The following POP5 variants were observed in gnomAD, a reference collection of about 807,000 sequenced individuals.
POP5 encodes the protein POP5 ribonuclease P/MRP subunit, also known as ribonuclease P/MRP protein subunit POP5.
Under a neutral mutation model 20.7 loss-of-function variants are expected in POP5, and 18 were observed. The ratio of observed to expected loss-of-function variants is 0.87; its 90% CI spans 0.60 to 1.29. The LOEUF is 1.29. Ranked by LOEUF, POP5 falls within the 50% of genes most tolerant of loss-of-function variation. The pLI is 0.00. For missense variants in POP5, 200 were observed against 203.2 expected, an observed-to-expected ratio of 0.98 and a Z score of 0.10; for synonymous variants, 91 against 78.0, an observed-to-expected ratio of 1.17 and a Z score of -0.88.
rs1449966046 is a variant in POP5 at position 120,579,251 on chromosome 12, G to T, written c.*67C>A. Reference sequence around the variant, plus strand: ...CTGTGGAAGATGCTGTTGCTACCCAGATTGTTCTGTTCAACAAGTGGGCCT... The same window carrying T: ...CTGTGGAAGATGCTGTTGCTACCCATATTGTTCTGTTCAACAAGTGGGCCT... On this transcript the variant is annotated 3_prime_UTR_variant, in exon 5 of 5. Coordinates refer to ENST00000357500, the MANE Select transcript of POP5 (RefSeq NM_015918.4). The T allele has an allele frequency of 2.9e-6, 4 of 1,391,650 alleles. No homozygotes were observed. The African/African-American group carries it at 4.3e-5, about 15-fold the overall frequency. 86.2% of individuals were successfully genotyped at this position (1,391,650 alleles called of 1,614,324 possible). A position where few individuals can be genotyped will look rare whatever the true frequency, so the allele number is the denominator to read the frequency against.
At position 120,581,260 on chromosome 12, in the gene POP5, G is replaced by A; in HGVS notation, c.21-3C>T. 1 of 1,614,224 alleles carries A rather than the reference G, an allele frequency of 6.2e-7. No individual in the cohort carries two copies. The highest frequency in any genetic ancestry group is 8.5e-7 in the Non-Finnish European group (1 of 1,180,048). On this transcript the variant is annotated splice_region_variant and splice_polypyrimidine_tract_variant and intron_variant, in intron 1 of 4. Transcript: ENST00000357500. ...ACACCAGTTCGCAGAGCAGGTACCT[G>A]CGGCAGGCGAGAGGAAGGTGGACAC...
chr12:120,580,780 A>T (rs928897909), intron 2 of POP5: 1 of 313,148 alleles, frequency 3.2e-6, no homozygotes, highest in Non-Finnish European at 5.9e-6. Context: ...TGTTAATGTA[A>T]TCGGTCATAT....
chr12:120,579,535 A>G lies in POP5; in HGVS notation c.376T>C (p.Leu126=). 6.2e-7 allele frequency: 1 copy of G among 1,614,188 alleles called. No individual in the cohort carries two copies. The part of the protein sequence containing the change: ...QYNRRQLLIL[L]QNCTDEGERE... ...TTACCTTCATCAGTGCAGTTCTGCA[A>G]CAAGATCAACAGCTGTCTCCTGTTG... Residue 126 remains leucine, a synonymous_variant, in exon 4 of 5, where the codon TTG becomes CTG. Transcript: ENST00000357500.
At chr12:120,580,211 C>A in intron 2 of POP5, 1 of 301,866 alleles carries the variant, frequency 3.3e-6, no homozygotes. Flanking sequence ...TGCTGCACTC[C>A]AGCAGCCTGG....
intron 2 of POP5, 56 bp downstream of exon 2, chr12:120,581,059 C>T (rs10774559): frequency 0.32 from 515,031 of 1,588,326 alleles, 86,732 homozygotes; most frequent in Admixed American, 0.42. Flanking sequence ...CGGCGCCTGC[C>T]CCCTCCACAT....
chr12:120,579,052 G>A lies in POP5; in HGVS notation c.*266C>T. 1 of 514,956 alleles carries A rather than the reference G, an allele frequency of 1.9e-6. No individual in the cohort carries two copies. The highest frequency in any genetic ancestry group is 3.5e-6 in the Non-Finnish European group (1 of 285,616). The allele number at this position is 514,956 out of a possible 1,614,324, so 31.9% of individuals were successfully genotyped here. A position where few individuals can be genotyped will look rare whatever the true frequency, so the allele number is the denominator to read the frequency against. On this transcript the variant is annotated 3_prime_UTR_variant, in exon 5 of 5. Coordinates refer to ENST00000357500, the MANE Select transcript of POP5 (RefSeq NM_015918.4). The stretch of plus-strand genomic sequence containing the variant: ...TAATATAAGTATGCTAAATGCCACG[G>A]AAACCAGATACATTTATTAAATCTA...
rs1340019869 is a variant in POP5 at position 120,579,399 on chromosome 12, A to AT, written c.410_411insA (p.Ile138TyrfsTer19). 1 of 1,613,962 alleles carries AT rather than the reference A, an allele frequency of 6.2e-7. No homozygotes were observed. Among genetic ancestry groups the AT allele is most frequent in the East Asian group, 2.2e-5 (1 of 44,884 alleles). Reference sequence around the variant, plus strand: ...AGCTTCTTGTCACAGACTTCTGGATAGCTTCCCGCTCTCCTGGAGAAGGCA... The same window carrying AT: ...AGCTTCTTGTCACAGACTTCTGGATATGCTTCCCGCTCTCCTGGAGAAGGCA... On this transcript the variant is annotated frameshift_variant, in exon 5 of 5. Transcript: ENST00000357500. LOFTEE classifies it high-confidence loss of function.
chr12:120,579,699 C>A (rs1877758315), intron 3 of POP5, 75 bp downstream of exon 3: 4 of 1,550,960 alleles, frequency 2.6e-6, no homozygotes, highest in Middle Eastern at 3.4e-4. Flanking sequence ...AGCAGCAAGA[C>A]CCACCCACCA....
rs1332805008 is a variant in POP5, at chr12:120,581,356, G to A, written c.7C>T (p.Arg3Trp). Residue 3 changes from arginine to tryptophan, a missense_variant, in exon 1 of 5, where the codon CGG (arginine) becomes TGG (tryptophan). Transcript: ENST00000357500. ...GGGAATGCTTACCTGTGCTTGAACC[G>A]CACCATGGCTGCCTCCGCGCTCTCC... MV[R>W]FKHRYLLCEL... 13 of 1,612,806 alleles carry A rather than the reference G, an allele frequency of 8.1e-6. No homozygotes were observed. The highest frequency in any genetic ancestry group is 1.1e-5 in the Non-Finnish European group (13 of 1,179,590).
At chr12:120,580,737 C>T in intron 2 of POP5, 1 of 237,382 alleles carries the variant, frequency 4.2e-6, no homozygotes, top group Non-Finnish European at 8.4e-6. Flanking sequence ...AAGGGCTTTC[C>T]CGGAGTACTT....
At chr12:120,580,483 C>T (rs1379354896) in intron 2 of POP5, 1 of 153,710 alleles carries the variant, frequency 6.5e-6, no homozygotes, top group Non-Finnish European at 1.4e-5. Context: ...CCCACAAAAC[C>T]CTTGCCTGAA....
intron 2 of POP5, chr12:120,580,709 G>C (rs1185935306): frequency 4.5e-6 from 1 of 221,376 alleles, no homozygotes; most frequent in Non-Finnish European, 9.2e-6. Context: ...CATGTGTTCT[G>C]TACTTTACCA....
At chr12:120,580,879 T>C in intron 2 of POP5, 2 of 579,868 alleles carry the variant, frequency 3.4e-6, no homozygotes, top group Non-Finnish European at 3.0e-6. Context: ...AGAAATTACC[T>C]GTCAAGCAGG....
intron 2 of POP5, chr12:120,580,765 T>C (rs1877821961): frequency 7.5e-6 from 2 of 267,414 alleles, no homozygotes; most frequent in South Asian, 5.8e-5. Context: ...TTTTTTTCCA[T>C]ATGATGTTAA....
At chr12:120,579,665 G>T in intron 3 of POP5, 68 bp from the exon 4 acceptor site, 1 of 1,546,268 alleles carries the variant, frequency 6.5e-7, no homozygotes. Context: ...TCAGAGGTAG[G>T]GGGAAGTGTC....
intron 3 of POP5, 29 bp from the exon 4 acceptor site, chr12:120,579,626 C>T: frequency 6.3e-7 from 1 of 1,596,586 alleles, no homozygotes; most frequent in South Asian, 1.1e-5. Flanking sequence ...TGGTCAACAG[C>T]TTGTGAAAGA....
intron 1 of POP5, 31 bp downstream of exon 1, chr12:120,581,312 G>A (rs754167334): frequency 1.9e-6 from 3 of 1,614,056 alleles, no homozygotes; most frequent in African/African-American, 1.3e-5. Flanking sequence ...ACCCAGCAAG[G>A]CACTGGGAGG....
At position 120,579,092 on chromosome 12, in the gene POP5, A is replaced by T; in HGVS notation, c.*226T>A. 1 of 579,396 alleles carries T rather than the reference A, an allele frequency of 1.7e-6. No individual in the cohort carries two copies. The highest frequency in any genetic ancestry group is 1.9e-5 in the African/African-American group (1 of 53,572). The allele number at this position is 579,396 out of a possible 1,614,324, so 35.9% of individuals were successfully genotyped here. A position where few individuals can be genotyped will look rare whatever the true frequency, so the allele number is the denominator to read the frequency against. The stretch of plus-strand genomic sequence containing the variant: ...TATTAAATCTACTCTTAGCCAAGCA[A>T]TAAAGATGTCTACAGAGTTCACAAC... On this transcript the variant is annotated 3_prime_UTR_variant, in exon 5 of 5. Coordinates refer to ENST00000357500, the MANE Select transcript of POP5 (RefSeq NM_015918.4).
intron 2 of POP5, chr12:120,580,285 A>G: frequency 4.7e-6 from 1 of 210,606 alleles, no homozygotes; most frequent in South Asian, 7.7e-5. Flanking sequence ...TATGTGCCAA[A>G]AGTATGTTGT....
Sources: gnomAD v4.1 joint callset for allele counts on GRCh38, gnomAD v4.1.1 for gene constraint, MANE v1.5 for transcripts, NCBI Gene and HGNC (gene_info 2026-07-23, HGNC 2026-07-21) for gene names.